RBFOX1: variants seen among roughly 807,000 people sequenced by gnomAD.
The protein encoded by RBFOX1 is RNA binding protein fox-1 homolog 1.
RBFOX1 carries 8 observed loss-of-function variants against 57.7 expected under a neutral mutation model. That is an observed-to-expected ratio of 0.14 (90% confidence interval 0.08 to 0.25). The LOEUF (loss-of-function observed/expected upper bound fraction) is 0.25. Ranked by LOEUF, RBFOX1 falls within the 10% of genes least tolerant of loss-of-function variation. The probability of loss-of-function intolerance (pLI) is 1.00; values close to 1 mark genes in which losing one functional copy is unlikely to be tolerated. For missense variants in RBFOX1, 611 were observed against 548.5 expected (o/e 1.11, Z -1.14); for synonymous variants, 326 against 222.4 (o/e 1.47, Z -4.15).
chr16:6,849,574 CAGG>C (rs2093955077), intron 3 of RBFOX1, among the ~76,000 whole-genome samples: 2 of 152,158 alleles, frequency 1.3e-5, no homozygotes, highest in African/African-American at 4.8e-5. Flanking sequence ...CAGGCTGAGA[CAGG>C]AGAATTGCTT....
intron 1 of RBFOX1, among the ~76,000 whole-genome samples, chr16:6,204,788 G>C (rs139107022): frequency 2.6e-5 from 4 of 152,096 alleles, no homozygotes; most frequent in Non-Finnish European, 5.9e-5. Flanking sequence ...GATGCCTTTT[G>C]TCAGCACGTT....
In RBFOX1 at chr16:5,241,871, G is replaced by C. The variant is rs568043892; in HGVS notation, c.219+1766G>C. ...ATTCCAGCACTTTGAGAGGCCGAAG[G>C]GGGAGGATCGCTTGAGTCCAGGAGT... On this transcript the variant is annotated intron_variant, in intron 1 of 2. Transcript: ENST00000585867. Among the ~76,000 whole-genome samples, 17 of 152,008 alleles carry C rather than the reference G, an allele frequency of 1.1e-4. No individual in the cohort carries two copies. The South Asian group carries it at 1.5e-3, about 13-fold the overall frequency.
At chr16:6,500,357 T>TAC (rs915899983) in intron 2 of RBFOX1, among the ~76,000 whole-genome samples, 47 of 151,750 alleles carry the variant, frequency 3.1e-4, no homozygotes, top group East Asian at 7.8e-4. Context: ...CGTGTGCACA[T>TAC]ACACACACAC....
intron 1 of RBFOX1, among the ~76,000 whole-genome samples, chr16:5,317,690 A>G (rs2064281142): frequency 6.6e-6 from 1 of 152,180 alleles, no homozygotes; most frequent in Admixed American, 6.5e-5. Flanking sequence ...CCTGACAATT[A>G]CTCAAGAAAT....
intron 1 of RBFOX1, among the ~76,000 whole-genome samples, chr16:6,210,345 C>CAAAAAAAAAAAAAAAAAAAAAAAA (rs770814967): frequency 3.8e-5 from 1 of 26,020 alleles, no homozygotes; most frequent in Non-Finnish European, 6.6e-5. Context: ...AACAAAAAAA[C>CAAAAAAAAAAAAAAAAAAAAAAAA]AAAAAAAAAA....
At chr16:6,293,508 G>T (rs2077692494) in intron 1 of RBFOX1, among the ~76,000 whole-genome samples, 1 of 152,112 alleles carries the variant, frequency 6.6e-6, no homozygotes, top group African/African-American at 2.4e-5. Flanking sequence ...TAAGCTCTTG[G>T]GATGCAAAGT....
At chr16:6,575,071 A>T (rs76032230) in intron 2 of RBFOX1, among the ~76,000 whole-genome samples, 7,422 of 150,864 alleles carry the variant, frequency 0.049, 615 homozygotes, top group African/African-American at 0.17. Flanking sequence ...AACAGCATCC[A>T]GGAATGCTAT....
At chr16:6,074,047 C>T (rs1001922119) in intron 1 of RBFOX1, among the ~76,000 whole-genome samples, 16 of 152,076 alleles carry the variant, frequency 1.1e-4, no homozygotes, top group Non-Finnish European at 2.1e-4. Flanking sequence ...CTCCTGGGTC[C>T]CTGCCATTCT....
chr16:7,656,251 TGTTGCCTGG>T (rs1190538911), intron 12 of RBFOX1, among the ~76,000 whole-genome samples: 1 of 152,204 alleles, frequency 6.6e-6, no homozygotes, highest in Non-Finnish European at 1.5e-5. Context: ...AAATTCGTCT[TGTTGCCTGG>T]GTGTTTCACT....
At position 7,579,885 on chromosome 16, in the gene RBFOX1, A is replaced by C; in HGVS notation, c.379A>C (p.Arg127=). The change falls in exon 6 of 16, where the codon AGG becomes CGG. Residue 127 remains arginine, a synonymous_variant. Transcript: ENST00000550418. The stretch of plus-strand genomic sequence containing the variant: ...GCTGCATGTCTCCAATATCCCCTTC[A>C]GGTTCCGGGATCCGGACCTCAGACA... ...KRLHVSNIPF[R]FRDPDLRQMF... The C allele has an allele frequency of 6.2e-7, 1 of 1,614,092 alleles. No individual in the cohort carries two copies. Among genetic ancestry groups the C allele is most frequent in the East Asian group, 2.2e-5 (1 of 44,872 alleles).
chr16:6,783,969 C>T (rs1457243038), intron 3 of RBFOX1, among the ~76,000 whole-genome samples: 1 of 152,144 alleles, frequency 6.6e-6, no homozygotes, highest in East Asian at 1.9e-4. Context: ...ATCCCACTCC[C>T]TCATGGCCTA....
At chr16:7,000,632 C>T (rs529651657) in intron 3 of RBFOX1, among the ~76,000 whole-genome samples, 1 of 112,490 alleles carries the variant, frequency 8.9e-6, no homozygotes, top group East Asian at 3.1e-4. Flanking sequence ...CAGAGTCTCG[C>T]TCTCCTCTGT....
chr16:5,258,867 G>T (rs1326257648), intron 1 of RBFOX1, among the ~76,000 whole-genome samples: 1 of 151,876 alleles, frequency 6.6e-6, no homozygotes, highest in African/African-American at 2.4e-5. Flanking sequence ...AGTGAGCTAA[G>T]ATTGCACCAC....
intron 2 of RBFOX1, among the ~76,000 whole-genome samples, chr16:6,338,200 A>C (rs2084032236): frequency 6.6e-6 from 1 of 152,066 alleles, no homozygotes; most frequent in African/African-American, 2.4e-5. Context: ...TATTTTCCCC[A>C]CCTCTTCACT....
chr16:7,532,111 T>G (rs2080235387), intron 5 of RBFOX1, among the ~76,000 whole-genome samples: 1 of 150,464 alleles, frequency 6.6e-6, no homozygotes, highest in Non-Finnish European at 1.5e-5. Flanking sequence ...CTGGCCTTTT[T>G]TAGGGGGAGA....
intron 1 of RBFOX1, among the ~76,000 whole-genome samples, chr16:6,262,472 C>G (rs991716316): frequency 2.0e-5 from 3 of 152,120 alleles, no homozygotes; most frequent in African/African-American, 7.2e-5. Flanking sequence ...GAATATGACA[C>G]TGTTTGCCTC....
intron 2 of RBFOX1, among the ~76,000 whole-genome samples, chr16:5,555,123 G>T (rs1315040541): frequency 6.6e-6 from 1 of 152,204 alleles, no homozygotes; most frequent in African/African-American, 2.4e-5. Context: ...GGGGTACAGG[G>T]CAAGAGCCCC....
At chr16:7,002,863 C>T (rs949514002) in intron 3 of RBFOX1, among the ~76,000 whole-genome samples, 7 of 152,052 alleles carry the variant, frequency 4.6e-5, no homozygotes, top group Non-Finnish European at 5.9e-5. Context: ...CTCAACATCC[C>T]GATACACTCA....
At chr16:7,710,207 A>T in intron 15 of RBFOX1, 1 of 1,031,926 alleles carries the variant, frequency 9.7e-7, no homozygotes, top group Non-Finnish European at 1.2e-6. Flanking sequence ...TGAGATTTTC[A>T]TCCCAATTCT....
Sources: allele counts gnomAD v4.1 joint callset (sites outside exome capture counted in the v4.1 genomes callset), GRCh38; gene constraint gnomAD v4.1.1; transcripts MANE v1.5; gene names NCBI Gene and HGNC (gene_info 2026-07-23, HGNC 2026-07-21).